Variants in PDXK observed in about 807,000 individuals in gnomAD.
The protein encoded by PDXK is pyridoxal kinase.
In PDXK, 15 loss-of-function variants were observed where a neutral mutation model predicts 43.2. The ratio of observed to expected loss-of-function variants is 0.35; its 90% CI spans 0.23 to 0.53. The LOEUF is 0.53. PDXK is among the 20% of genes least tolerant of loss of function. PDXK has a pLI of 0.92. For missense variants in PDXK, 343 were observed against 417.0 expected (o/e 0.82, Z 1.54); for synonymous variants, 172 against 165.4 (o/e 1.04, Z -0.31).
In PDXK at chr21:43,756,179, A is replaced by G; in HGVS notation, c.*116A>G. ...CCGAAACTTGATATTTTTTTCTTTCATGAGTGTCCGGCATCTGCTGGTCTT... is the reference window on the plus strand; with the variant it reads ...CCGAAACTTGATATTTTTTTCTTTCGTGAGTGTCCGGCATCTGCTGGTCTT... On this transcript the variant is annotated 3_prime_UTR_variant, in exon 11 of 11. Coordinates refer to ENST00000291565, the MANE Select transcript of PDXK (RefSeq NM_003681.5). 1.6e-6 allele frequency: 1 copy of G among 626,410 alleles called. No individual in the cohort carries two copies. The allele number at this position is 626,410 out of a possible 1,614,324, so 38.8% of individuals were successfully genotyped here.
chr21:43,737,839 TC>T lies in PDXK; in HGVS notation c.142+3717del, dbSNP rs758497356. 11 of 985,506 alleles carry T rather than the reference TC, an allele frequency of 1.1e-5. No individual in the cohort carries two copies. The highest frequency in any genetic ancestry group is 1.1e-5 in the Non-Finnish European group (9 of 829,964). The allele number at this position is 985,506 out of a possible 1,614,324, so 61.0% of individuals were successfully genotyped here. A position where few individuals can be genotyped will look rare whatever the true frequency, so the allele number is the denominator to read the frequency against. On this transcript the variant is annotated intron_variant, in intron 2 of 10. Coordinates refer to ENST00000291565, the MANE Select transcript of PDXK (RefSeq NM_003681.5). This position sits in a 1 kb window ranked among gnomAD's most constrained non-coding sequence, Gnocchi z 4.8. ...GAACCGCTTGTTTGCCTGTGCTTTT[TC>T]ATCTGTAAATGGAATGAGTTGGACA...
intron 1 of PDXK, among the ~76,000 whole-genome samples, chr21:43,733,865 C>T (rs546207310): frequency 1.3e-5 from 2 of 152,382 alleles, no homozygotes; most frequent in Non-Finnish European, 2.9e-5. Context: ...CAGCTCCAGA[C>T]ACACAAGGCC....
chr21:43,736,824 A>G (rs576185791), intron 2 of PDXK: 2 of 660,638 alleles, frequency 3.0e-6, no homozygotes, highest in African/African-American at 1.8e-5. Flanking sequence ...ATAGAGACGG[A>G]GTCTCACTAT....
rs555585506 is a variant in PDXK, at chr21:43,732,324, C to G, written c.88-1745C>G. ...TCCCGTCCTGGACCTTGGCACCCCG[C>G]CCCCCGTGCATTGTCGTCTTCTGAG... is the stretch of plus-strand genomic sequence containing the variant. On this transcript the variant is annotated intron_variant, in intron 1 of 10. Coordinates refer to ENST00000291565, the MANE Select transcript of PDXK (RefSeq NM_003681.5). This position sits in a 1 kb window ranked among gnomAD's most constrained non-coding sequence, Gnocchi z 4.1. 1.9e-6 allele frequency: 3 copies of G among 1,604,098 alleles called. No homozygotes were observed. The South Asian group carries it at 3.3e-5, about 18-fold the overall frequency.
At position 43,755,695 on chromosome 21, in the gene PDXK, C is replaced by T. The variant is rs772247173; in HGVS notation, c.760-3C>T. ...GGGCACAGCAAGTCTGTCCTCCCTG[C>T]AGGTGGCCTGTGAGAAGACCGTGTC... On this transcript the variant is annotated splice_polypyrimidine_tract_variant and splice_region_variant and intron_variant, in intron 9 of 10. Coordinates refer to ENST00000291565, the MANE Select transcript of PDXK (RefSeq NM_003681.5). 7 of 1,612,448 alleles carry T rather than the reference C, an allele frequency of 4.3e-6. No individual in the cohort carries two copies. The highest frequency in any genetic ancestry group is 1.1e-5 in the South Asian group (1 of 91,076).
chr21:43,750,625 C>T (rs1208759304), intron 7 of PDXK, 80 bp downstream of exon 7: 4 of 1,113,346 alleles, frequency 3.6e-6, no homozygotes, highest in Non-Finnish European at 5.3e-6. Context: ...CTGAGTGGCA[C>T]CACTGTGTCA....
At position 43,723,082 on chromosome 21, in the gene PDXK, C is replaced by G. The variant is rs1166152319; in HGVS notation, c.87+3701C>G. ...CTCAATCTCCTGACCTCGTGATCCG[C>G]CCACCTCGGCCTCCCAAAGTACTGG... On this transcript the variant is annotated intron_variant, in intron 1 of 10. Transcript: ENST00000291565. The surrounding 1 kb of genome is among the most constrained non-coding windows in gnomAD (Gnocchi z 4.1). Among the ~76,000 whole-genome samples, 2 of 151,870 alleles carry G rather than the reference C, an allele frequency of 1.3e-5. No individual in the cohort carries two copies. The highest frequency in any genetic ancestry group is 4.8e-5 in the African/African-American group (2 of 41,346).
intron 4 of PDXK, chr21:43,744,444 G>A (rs2083601665): frequency 6.3e-6 from 1 of 157,966 alleles, no homozygotes; most frequent in Non-Finnish European, 1.4e-5. Context: ...CACATGGTTT[G>A]CCACGCTGTG....
At position 43,737,521 on chromosome 21, in the gene PDXK, C is replaced by G; in HGVS notation, c.142+3398C>G. ...AGGAGCCTGCGGAGCTGGAGGTCAG[C>G]GGGTGGACGGGTTGCGCTGTCCTGG... On this transcript the variant is annotated intron_variant, in intron 2 of 10. Coordinates refer to ENST00000291565, the MANE Select transcript of PDXK (RefSeq NM_003681.5). The surrounding 1 kb of genome is among the most constrained non-coding windows in gnomAD (Gnocchi z 4.8). The G allele has an allele frequency of 9.8e-7, 1 of 1,023,170 alleles. No homozygotes were observed. Among genetic ancestry groups the G allele is most frequent in the Admixed American group, 5.2e-5 (1 of 19,398 alleles). 63.4% of individuals were successfully genotyped at this position (1,023,170 alleles called of 1,614,324 possible). A position where few individuals can be genotyped will look rare whatever the true frequency, so the allele number is the denominator to read the frequency against.
At chr21:43,719,522 G>T (rs1016671500) in intron 1 of PDXK, 141 bp downstream of exon 1, 2 of 1,332,904 alleles carry the variant, frequency 1.5e-6, no homozygotes, top group East Asian at 3.1e-5. Context: ...AGGCAGGCGC[G>T]GGATGAGCCT....
chr21:43,755,794 G>A, intron 10 of PDXK, 30 bp downstream of exon 10: 1 of 1,598,176 alleles, frequency 6.3e-7, no homozygotes, highest in Non-Finnish European at 8.6e-7. Flanking sequence ...TGGGCTGCGT[G>A]GGCTCCTGGC....
At chr21:43,741,802 C>A in intron 3 of PDXK, 31 bp downstream of exon 3, 2 of 1,413,828 alleles carry the variant, frequency 1.4e-6, no homozygotes, top group Non-Finnish European at 9.9e-7. Flanking sequence ...CCGCAGGGGA[C>A]TACGCACCCC....
intron 3 of PDXK, among the ~76,000 whole-genome samples, 164 bp downstream of exon 3, chr21:43,741,935 G>T (rs1040287812): frequency 6.6e-6 from 1 of 152,102 alleles, no homozygotes; most frequent in Non-Finnish European, 1.5e-5. Context: ...CGGTAGCCTG[G>T]GGGGTCCTGG....
At chr21:43,729,436 G>A (rs1273690023) in intron 1 of PDXK, among the ~76,000 whole-genome samples, 8 of 152,236 alleles carry the variant, frequency 5.3e-5, no homozygotes, top group Non-Finnish European at 8.8e-5. Context: ...AGCTTTACAG[G>A]ATTCAGAAGG....
Position 43,737,227 on chromosome 21 carries a change from G to T in PDXK, c.142+3104G>T, listed in dbSNP as rs1330267063. 2.1e-6 allele frequency: 3 copies of T among 1,430,488 alleles called. No homozygotes were observed. The highest frequency in any genetic ancestry group is 2.7e-6 in the Non-Finnish European group (3 of 1,095,706). The allele number at this position is 1,430,488 out of a possible 1,614,324, so 88.6% of individuals were successfully genotyped here. The stretch of plus-strand genomic sequence containing the variant: ...GTTGTTGGTTCCCTGACGCCCTTCA[G>T]GCTGGGGGGTGGGAAAGCCGATCCC... On this transcript the variant is annotated intron_variant, in intron 2 of 10. Transcript: ENST00000291565. This position sits in a 1 kb window ranked among gnomAD's most constrained non-coding sequence, Gnocchi z 4.8.
rs369867766 is a variant in PDXK at position 43,741,647 on chromosome 21, A to T, written c.143-20A>T. 3.7e-6 allele frequency: 6 copies of T among 1,606,522 alleles called. No individual in the cohort carries two copies. Among genetic ancestry groups the T allele is most frequent in the Non-Finnish European group, 5.1e-6 (6 of 1,174,468 alleles). Reference sequence around the variant, plus strand: ...CTGGCCCCCTTGTGTCTGAGCCCCCATGGCTTCCTCTGCCTCTAGGCTATG... The same window carrying T: ...CTGGCCCCCTTGTGTCTGAGCCCCCTTGGCTTCCTCTGCCTCTAGGCTATG... On this transcript the variant is annotated intron_variant, in intron 2 of 10. Coordinates refer to ENST00000291565, the MANE Select transcript of PDXK (RefSeq NM_003681.5).
intron 1 of PDXK, among the ~76,000 whole-genome samples, chr21:43,733,248 T>TTCCCC (rs2083345003): frequency 2.9e-5 from 1 of 35,064 alleles, no homozygotes. Flanking sequence ...CCCCTCCCCA[T>TTCCCC]CCCCACCCCC....
chr21:43,728,675 G>A (rs2083278909), intron 1 of PDXK: 11 of 977,996 alleles, frequency 1.1e-5, no homozygotes, highest in Admixed American at 6.1e-5. Flanking sequence ...GGAGGAGCCC[G>A]AGGCAGCCAC....
In PDXK at chr21:43,755,436, C is replaced by G. The variant is rs1265372560; in HGVS notation, c.760-262C>G. ...TGCCTGCCAAGTTCTATGCAGGTCA[C>G]GAGGCTGTCCCTTCTGTGAGCCATC... On this transcript the variant is annotated intron_variant, in intron 9 of 10. Coordinates refer to ENST00000291565, the MANE Select transcript of PDXK (RefSeq NM_003681.5). 7.6e-6 allele frequency: 4 copies of G among 526,238 alleles called. No homozygotes were observed. The East Asian group carries it at 1.3e-4, about 17-fold the overall frequency. 32.6% of individuals were successfully genotyped at this position (526,238 alleles called of 1,614,324 possible).
Sources: gnomAD v4.1 joint callset for allele counts (sites outside exome capture counted in the v4.1 genomes callset) on GRCh38, gnomAD v4.1.1 for gene constraint, Gnocchi (gnomAD v3.1) non-coding constraint, MANE v1.5 for transcripts, NCBI Gene and HGNC (gene_info 2026-07-23, HGNC 2026-07-21) for gene names.